The following TRIM2 variants were observed in gnomAD, a reference collection of about 807,000 sequenced individuals.
The protein encoded by TRIM2 is tripartite motif-containing protein 2.
In TRIM2, 20 loss-of-function variants were observed where a neutral mutation model predicts 75.2. The ratio of observed to expected loss-of-function variants is 0.27; its 90% CI spans 0.19 to 0.39. The LOEUF (loss-of-function observed/expected upper bound fraction) is 0.39. TRIM2 is among the 10% of genes least tolerant of loss of function. The probability of loss-of-function intolerance (pLI) is 1.00; values close to 1 mark genes in which losing one functional copy is unlikely to be tolerated. For synonymous variants in TRIM2, 373 were observed against 388.3 expected, an observed-to-expected ratio of 0.96 and a Z score of 0.46; for missense variants, 660 against 990.8, an observed-to-expected ratio of 0.67 and a Z score of 4.48.
Position 153,335,348 on chromosome 4 carries a change from A to C in TRIM2, c.*382A>C. On this transcript the variant is annotated 3_prime_UTR_variant, in exon 12 of 12. Transcript: ENST00000338700. ...TGCACAGAACTTCCAAAAGCAAAAC[A>C]AAAACAAAATCTATTGTAGTTATAT... The C allele has an allele frequency of 2.0e-6, 2 of 992,194 alleles. No individual in the cohort carries two copies. Among genetic ancestry groups the C allele is most frequent in the Non-Finnish European group, 2.4e-6 (2 of 834,598 alleles). 61.5% of individuals were successfully genotyped at this position (992,194 alleles called of 1,614,324 possible).
intron 6 of TRIM2, chr4:153,307,830 C>G: frequency 1.4e-6 from 1 of 730,610 alleles, no homozygotes; most frequent in Non-Finnish European, 2.6e-6. Context: ...CAGGGACTTG[C>G]TATACTTTCT....
intron 6 of TRIM2, among the ~76,000 whole-genome samples, chr4:153,298,663 A>G (rs1331520741): frequency 6.6e-6 from 1 of 152,150 alleles, no homozygotes; most frequent in African/African-American, 2.4e-5. Flanking sequence ...ATTACCTCAC[A>G]TATTGATCAA....
intron 3 of TRIM2, among the ~76,000 whole-genome samples, chr4:153,286,259 T>C (rs1175973124): frequency 6.6e-6 from 1 of 152,214 alleles, no homozygotes; most frequent in Non-Finnish European, 1.5e-5. Context: ...TTTTCATCCA[T>C]ATTTATAAGG....
At chr4:153,256,130 A>G (rs1752017935) in intron 1 of TRIM2, among the ~76,000 whole-genome samples, 1 of 152,264 alleles carries the variant, frequency 6.6e-6, no homozygotes, top group East Asian at 1.9e-4. Context: ...TTACAATTCA[A>G]TGAAGCTTTA....
rs140099593 is a variant in TRIM2, at chr4:153,171,063, A to G, written c.-49+17793A>G. ...TCCCACCTTCCCTTTTTTAGTAAGGATGGGTTGCTAGCCTTAGGACCGAGG... is the reference window on the plus strand; with the variant it reads ...TCCCACCTTCCCTTTTTTAGTAAGGGTGGGTTGCTAGCCTTAGGACCGAGG... On this transcript the variant is annotated intron_variant, in intron 1 of 11. Coordinates refer to the TRIM2 transcript ENST00000437508. 5.2e-3 allele frequency among the ~76,000 whole-genome samples: 797 copies of G among 152,294 alleles called. 3 individuals are homozygous for G. Among genetic ancestry groups the G allele is most frequent in the Non-Finnish European group, 9.5e-3 (645 of 68,012 alleles).
chr4:153,225,741 G>A lies in TRIM2; in HGVS notation c.30+21181G>A, dbSNP rs183112500. On this transcript the variant is annotated intron_variant, in intron 1 of 11. Coordinates refer to ENST00000338700, the MANE Select transcript of TRIM2 (RefSeq NM_015271.5). ...TATTTACTAGACACTCAGCTTTTAT[G>A]TATGGTTAGAGGGTTTACTGGAAAT... is the stretch of plus-strand genomic sequence containing the variant. 4.7e-3 allele frequency among the ~76,000 whole-genome samples: 716 copies of A among 152,330 alleles called. 6 individuals carry two copies. The highest frequency in any genetic ancestry group is 0.027 in the East Asian group (142 of 5,188).
chr4:153,175,344 C>T lies in TRIM2; in HGVS notation c.-49+22074C>T, dbSNP rs567172873. 1.9e-3 allele frequency among the ~76,000 whole-genome samples: 283 copies of T among 151,948 alleles called. 1 individual carries two copies. Among genetic ancestry groups the T allele is most frequent in the Admixed American group, 3.1e-3 (47 of 15,256 alleles). On this transcript the variant is annotated intron_variant, in intron 1 of 11. Transcript: ENST00000437508. ...CCCAACTGGTGCAGTTTTTTTCCGG[C>T]GTATTGATTTCCTTGGGCAGTTATC...
At chr4:153,154,922 C>T (rs1466098495) in intron 1 of TRIM2, among the ~76,000 whole-genome samples, 1 of 152,118 alleles carries the variant, frequency 6.6e-6, no homozygotes, top group Non-Finnish European at 1.5e-5. Flanking sequence ...GGCGGATTAC[C>T]TGAGGTCAGG....
chr4:153,339,252 G>A lies in TRIM2; in HGVS notation c.*4286G>A, dbSNP rs1011139300. On this transcript the variant is annotated 3_prime_UTR_variant, in exon 12 of 12. Transcript: ENST00000338700. ...CTGTCTTGAAACATAGGAGAAACAG[G>A]ATTCATGTGTATCTCTTTACCATGC... The A allele has an allele frequency of 8.5e-6, 8 of 937,596 alleles. No homozygotes were observed. The highest frequency in any genetic ancestry group is 1.8e-5 in the African/African-American group (1 of 56,154). The allele number at this position is 937,596 out of a possible 1,614,324, so 58.1% of individuals were successfully genotyped here. A position where few individuals can be genotyped will look rare whatever the true frequency, so the allele number is the denominator to read the frequency against.
chr4:153,275,865 A>G, intron 2 of TRIM2, 28 bp from the exon 3 acceptor site: 2 of 1,604,436 alleles, frequency 1.2e-6, no homozygotes, highest in Non-Finnish European at 1.7e-6. Flanking sequence ...GCACTGTGCT[A>G]AGCTCTCCAC....
rs370178399 is a variant in TRIM2 at position 153,253,189 on chromosome 4, G to C, written c.31-17146G>C. On this transcript the variant is annotated intron_variant, in intron 1 of 11. Transcript: ENST00000338700. ...CTAAAGGAGCGCAAGAAGTTAACCA[G>C]GGGCAGGAGGCAGGAGAGGCTGAGA... 5.3e-5 allele frequency among the ~76,000 whole-genome samples: 8 copies of C among 152,302 alleles called. No homozygotes were observed. The East Asian group carries it at 1.4e-3, about 26-fold the overall frequency.
chr4:153,193,422 C>T (rs1035318068), intron 1 of TRIM2, among the ~76,000 whole-genome samples: 3 of 152,086 alleles, frequency 2.0e-5, no homozygotes, highest in African/African-American at 2.4e-5. Flanking sequence ...TGAGCCACCG[C>T]GCCTGGCCCA....
At chr4:153,235,094 T>C (rs1328747347) in intron 1 of TRIM2, among the ~76,000 whole-genome samples, 1 of 151,926 alleles carries the variant, frequency 6.6e-6, no homozygotes, top group Non-Finnish European at 1.5e-5. Context: ...CACTTTTTTG[T>C]TGTATGACTC....
chr4:153,204,288 G>C (rs1377401552), upstream of TRIM2, among the ~76,000 whole-genome samples: 1 of 152,128 alleles, frequency 6.6e-6, no homozygotes, highest in Non-Finnish European at 1.5e-5. Context: ...TCTCATTCCC[G>C]TCTCCCCTAC....
At chr4:153,158,336 T>C (rs1243401368) in intron 1 of TRIM2, among the ~76,000 whole-genome samples, 2 of 152,236 alleles carry the variant, frequency 1.3e-5, no homozygotes, top group Non-Finnish European at 2.9e-5. Flanking sequence ...AGCTCAATTA[T>C]GCAATCCTAT....
intron 1 of TRIM2, among the ~76,000 whole-genome samples, chr4:153,179,804 T>A (rs1162823970): frequency 6.6e-6 from 1 of 152,194 alleles, no homozygotes; most frequent in East Asian, 1.9e-4. Flanking sequence ...GCAGTCACTG[T>A]GTGTGTGACA....
At chr4:153,288,820 C>T (rs1173968742) in intron 3 of TRIM2, among the ~76,000 whole-genome samples, 1 of 151,656 alleles carries the variant, frequency 6.6e-6, no homozygotes, top group Non-Finnish European at 1.5e-5. Context: ...TCTCAATAGG[C>T]CCATCTTCAA....
At chr4:153,272,935 G>A (rs1239896933) in intron 2 of TRIM2, among the ~76,000 whole-genome samples, 2 of 152,160 alleles carry the variant, frequency 1.3e-5, no homozygotes, top group African/African-American at 2.4e-5. Flanking sequence ...CGCCTCCTGG[G>A]TTAAGTGATT....
At chr4:153,286,093 A>G (rs1248899480) in intron 3 of TRIM2, among the ~76,000 whole-genome samples, 1 of 152,164 alleles carries the variant, frequency 6.6e-6, no homozygotes, top group African/African-American at 2.4e-5. Flanking sequence ...GATGATAATG[A>G]GTTTTTTCTT....
Sources: allele counts gnomAD v4.1 joint callset (sites outside exome capture counted in the v4.1 genomes callset), GRCh38; gene constraint gnomAD v4.1.1; transcripts MANE v1.5; gene names NCBI Gene and HGNC (gene_info 2026-07-23, HGNC 2026-07-21).